The following PDZRN3 variants were observed in gnomAD, a reference collection of about 807,000 sequenced individuals.
PDZRN3 encodes E3 ubiquitin-protein ligase PDZRN3.
Under a neutral mutation model 85.7 loss-of-function variants are expected in PDZRN3, and 38 were observed. The observed-to-expected ratio is 0.44, with a 90% confidence interval of 0.34 to 0.58. The LOEUF (loss-of-function observed/expected upper bound fraction) is 0.58. Ranked by LOEUF, PDZRN3 falls within the 20% of genes least tolerant of loss-of-function variation. The probability of loss-of-function intolerance (pLI) is 0.01; values close to 1 mark genes in which losing one functional copy is unlikely to be tolerated. For missense variants in PDZRN3, 1,629 were observed against 1,506.4 expected (o/e 1.08, Z -1.35); for synonymous variants, 759 against 638.0 (o/e 1.19, Z -2.86).
intron 3 of PDZRN3, among the ~76,000 whole-genome samples, chr3:73,427,809 G>A (rs760902647): frequency 7.2e-5 from 11 of 152,242 alleles, no homozygotes; most frequent in Non-Finnish European, 7.3e-5. Flanking sequence ...GTTTCACAGA[G>A]AACGATGCAA....
At position 73,511,044 on chromosome 3, in the gene PDZRN3, G is replaced by A. The variant is rs1438695510; in HGVS notation, c.918+91310C>T. ...TATGAAGGAAAAATATTCAGATATCGCTTTTAACATATACAAAGGGAGAAA... is the reference window on the plus strand; with the variant it reads ...TATGAAGGAAAAATATTCAGATATCACTTTTAACATATACAAAGGGAGAAA... On this transcript the variant is annotated intron_variant, in intron 3 of 9. Transcript: ENST00000263666. 4.6e-5 allele frequency among the ~76,000 whole-genome samples: 7 copies of A among 152,214 alleles called. No individual in the cohort carries two copies. In the East Asian group the frequency reaches 1.2e-3, roughly 25 times the overall value.
intron 3 of PDZRN3, among the ~76,000 whole-genome samples, chr3:73,437,359 G>C (rs1305988829): frequency 6.6e-6 from 1 of 152,194 alleles, no homozygotes; most frequent in Non-Finnish European, 1.5e-5. Flanking sequence ...CTTGTGATAT[G>C]TCATGTAACC....
At chr3:73,537,707 T>C (rs113170384) in intron 3 of PDZRN3, among the ~76,000 whole-genome samples, 2 of 151,770 alleles carry the variant, frequency 1.3e-5, no homozygotes, top group Non-Finnish European at 2.9e-5. Flanking sequence ...GCAGCCTCCA[T>C]CTCCTGGGTT....
intron 5 of PDZRN3, among the ~76,000 whole-genome samples, chr3:73,392,588 T>G (rs1576027876): frequency 6.6e-6 from 1 of 152,334 alleles, no homozygotes; most frequent in South Asian, 2.1e-4. Context: ...GCACATTGAC[T>G]GCCCCATAGA....
At chr3:73,388,603 A>AT (rs920192078) in intron 7 of PDZRN3, among the ~76,000 whole-genome samples, 34 of 152,022 alleles carry the variant, frequency 2.2e-4, no homozygotes, top group African/African-American at 7.7e-4. Context: ...CTCTTGCAGG[A>AT]TTTTTGCTTG....
chr3:73,624,019 C>T (rs920093804), intron 1 of PDZRN3, 84 bp downstream of exon 1: 16 of 1,261,174 alleles, frequency 1.3e-5, no homozygotes, highest in Non-Finnish European at 1.6e-5. Context: ...AAGCTCGGGG[C>T]ATCCCTGTAC....
intron 3 of PDZRN3, among the ~76,000 whole-genome samples, chr3:73,541,684 A>G (rs1704925216): frequency 6.6e-6 from 1 of 152,234 alleles, no homozygotes; most frequent in Admixed American, 6.5e-5. Flanking sequence ...AATAACTATT[A>G]GCAAAGTCTC....
chr3:73,558,650 G>A (rs1021948422), intron 3 of PDZRN3, among the ~76,000 whole-genome samples: 5 of 152,234 alleles, frequency 3.3e-5, no homozygotes, highest in African/African-American at 9.6e-5. Context: ...ATAAGGAAAG[G>A]GGAGAAGTAG....
rs1167584471 is a variant in PDZRN3, at chr3:73,462,542, CAAAAAAAA to C, written c.919-58155_919-58148del. On this transcript the variant is annotated intron_variant, in intron 3 of 9. Coordinates refer to ENST00000263666, the MANE Select transcript of PDZRN3 (RefSeq NM_015009.3). Reference sequence around the variant, plus strand: ...TTGGGCAACAGGTGAGACTCCGTCTCAAAAAAAAAAAAAAAAAAAAGAACTTGATTCCA... The same window carrying C: ...TTGGGCAACAGGTGAGACTCCGTCTCAAAAAAAAAAAAGAACTTGATTCCA... Among the ~76,000 whole-genome samples, 210 of 93,446 alleles carry C rather than the reference CAAAAAAAA, an allele frequency of 2.2e-3. 1 individual carries two copies. The highest frequency in any genetic ancestry group is 9.3e-3 in the Admixed American group (75 of 8,022). 61.3% of individuals were successfully genotyped at this position (93,446 alleles called of 152,430 possible). A position where few individuals can be genotyped will look rare whatever the true frequency, so the allele number is the denominator to read the frequency against.
chr3:73,420,942 G>A (rs532624292), intron 3 of PDZRN3, among the ~76,000 whole-genome samples: 60 of 152,082 alleles, frequency 3.9e-4, no homozygotes, highest in Non-Finnish European at 8.5e-4. Flanking sequence ...TGTAGGCTTG[G>A]CATACCAACT....
intron 3 of PDZRN3, among the ~76,000 whole-genome samples, chr3:73,548,418 A>AC (rs932907850): frequency 5.3e-5 from 8 of 152,124 alleles, no homozygotes; most frequent in Non-Finnish European, 1.0e-4. Context: ...AGAGGTGAAC[A>AC]CTCTGTATGC....
At chr3:73,620,713 A>T (rs1335918563) in intron 1 of PDZRN3, among the ~76,000 whole-genome samples, 2 of 151,808 alleles carry the variant, frequency 1.3e-5, no homozygotes, top group African/African-American at 2.4e-5. Flanking sequence ...AGTAGCTGGG[A>T]CTACAGGTGC....
intron 5 of PDZRN3, among the ~76,000 whole-genome samples, chr3:73,397,974 G>C (rs1466653218): frequency 2.0e-5 from 3 of 152,164 alleles, no homozygotes; most frequent in African/African-American, 4.8e-5. Context: ...GCTCCTTAAG[G>C]GCAGGCAGAG....
intron 3 of PDZRN3, among the ~76,000 whole-genome samples, chr3:73,473,963 G>T (rs963693381): frequency 2.2e-4 from 34 of 152,298 alleles, no homozygotes; most frequent in African/African-American, 8.2e-4. Context: ...ACTAGGTGTT[G>T]GAGTAATTTA....
chr3:73,530,358 A>G (rs1242698848), intron 3 of PDZRN3, among the ~76,000 whole-genome samples: 2 of 152,256 alleles, frequency 1.3e-5, no homozygotes, highest in Non-Finnish European at 2.9e-5. Flanking sequence ...ACGATTATGT[A>G]CTGGCTCCCT....
intron 3 of PDZRN3, among the ~76,000 whole-genome samples, chr3:73,469,688 T>C (rs545295580): frequency 1.3e-5 from 2 of 152,368 alleles, no homozygotes; most frequent in African/African-American, 4.8e-5. Context: ...CAAACGCTTA[T>C]TGACTTAAGC....
intron 1 of PDZRN3, among the ~76,000 whole-genome samples, chr3:73,617,055 C>T (rs1404627090): frequency 2.0e-5 from 3 of 152,176 alleles, no homozygotes; most frequent in Non-Finnish European, 4.4e-5. Context: ...CCTCACCTAT[C>T]CAAACACAGC....
chr3:73,544,100 C>T (rs1156614358), intron 3 of PDZRN3, among the ~76,000 whole-genome samples: 1 of 152,200 alleles, frequency 6.6e-6, no homozygotes, highest in Non-Finnish European at 1.5e-5. Flanking sequence ...GTAATCCCAG[C>T]TACTCAGGAG....
rs185683411 is a variant in PDZRN3 at position 73,427,131 on chromosome 3, C to T, written c.919-22736G>A. ...TTTCCCTGAAGTTCACCAATGAATACACAACTCAAAATGCCCTTGATGAAC... is the reference window on the plus strand; with the variant it reads ...TTTCCCTGAAGTTCACCAATGAATATACAACTCAAAATGCCCTTGATGAAC... On this transcript the variant is annotated intron_variant, in intron 3 of 9. Transcript: ENST00000263666. 1.4e-3 allele frequency among the ~76,000 whole-genome samples: 212 copies of T among 152,290 alleles called. 1 individual carries two copies. Among genetic ancestry groups the T allele is most frequent in the African/African-American group, 4.9e-3 (202 of 41,560 alleles).
Sources: allele counts gnomAD v4.1 joint callset (sites outside exome capture counted in the v4.1 genomes callset), GRCh38; gene constraint gnomAD v4.1.1; transcripts MANE v1.5; gene names NCBI Gene and HGNC (gene_info 2026-07-23, HGNC 2026-07-21).